Variants in MRPS18C observed in about 807,000 individuals in gnomAD.
MRPS18C encodes the protein mitochondrial ribosomal protein S18C.
Under a neutral mutation model 21.0 loss-of-function variants are expected in MRPS18C, and 21 were observed. The ratio of observed to expected loss-of-function variants is 1.00; its 90% CI spans 0.71 to 1.44. MRPS18C has a LOEUF of 1.44. Among genes scored for constraint, MRPS18C ranks in the 40% most tolerant of loss-of-function variants. The pLI is 0.00. For synonymous variants in MRPS18C, 65 were observed against 54.3 expected (o/e 1.20, Z -0.87); for missense variants, 152 against 171.5 (o/e 0.89, Z 0.64).
At chr4:83,460,430 CAGGT>C (rs1258400231) in intron 4 of MRPS18C, 1 of 151,406 alleles carries the variant, frequency 6.6e-6, no homozygotes, top group Admixed American at 6.6e-5. Context: ...GCTGGGATTA[CAGGT>C]GTGAGCCACT....
intron 2 of MRPS18C, chr4:83,457,490 T>TA (rs1721896982): frequency 6.6e-6 from 1 of 152,312 alleles, no homozygotes; most frequent in African/African-American, 2.4e-5. Context: ...GAAGAGTAGT[T>TA]ACGTGAGCTG....
chr4:83,458,389 G>C lies in MRPS18C; in HGVS notation c.194G>C (p.Cys65Ser). ...ENPYKEPLKK[C>S]ILCGKHVDYK... ...CCTTATAAAGAACCTCTTAAGAAAT[G>C]TATCTTGTGTGGAAAGCATGTAGAT... is the stretch of plus-strand genomic sequence containing the variant. Residue 65 changes from cysteine (C) to serine (S), a missense_variant, in exon 3 of 6, where the codon TGT becomes TCT. Coordinates refer to ENST00000295491, the MANE Select transcript of MRPS18C (RefSeq NM_016067.4). 6.2e-7 allele frequency: 1 copy of C among 1,605,702 alleles called. No individual in the cohort carries two copies.
chr4:83,458,437 C>G lies in MRPS18C; in HGVS notation c.234+8C>G. 1.9e-6 allele frequency: 3 copies of G among 1,558,774 alleles called. No individual in the cohort carries two copies. The East Asian group carries it at 6.8e-5, about 35-fold the overall frequency. ...GATTATAAGAATGTACAGGTGAGAT[C>G]TGGTTTTACTTCACTATATTTTAGG... On this transcript the variant is annotated splice_region_variant and intron_variant, in intron 3 of 5. Coordinates refer to ENST00000295491, the MANE Select transcript of MRPS18C (RefSeq NM_016067.4).
intron 4 of MRPS18C, chr4:83,460,276 G>T: frequency 6.6e-6 from 1 of 152,236 alleles, no homozygotes; most frequent in Non-Finnish European, 1.5e-5. Flanking sequence ...TCATGCTTCA[G>T]CCTCCCGAAT....
At chr4:83,458,189 T>G (rs1165775748) in intron 2 of MRPS18C, 157 bp from the exon 3 acceptor site, 2 of 554,664 alleles carry the variant, frequency 3.6e-6, no homozygotes, top group Admixed American at 4.0e-5. Context: ...CGTTAATCCG[T>G]AGGCTAAACT....
chr4:83,460,353 C>T (rs1722040822), intron 4 of MRPS18C: 1 of 152,008 alleles, frequency 6.6e-6, no homozygotes, highest in Non-Finnish European at 1.5e-5. Flanking sequence ...TTGGGTTTCT[C>T]CATGTTGGCC....
At chr4:83,461,076 T>C (rs776845603) in intron 5 of MRPS18C, 44 bp downstream of exon 5, 1 of 1,612,330 alleles carries the variant, frequency 6.2e-7, no homozygotes, top group South Asian at 1.1e-5. Flanking sequence ...TAGCTGAAAT[T>C]TTGCTCATTA....
chr4:83,460,246 C>T (rs570093500), intron 4 of MRPS18C: 2 of 152,530 alleles, frequency 1.3e-5, no homozygotes, highest in Non-Finnish European at 2.9e-5. Context: ...CAACCTCTGC[C>T]TCCTGGGTTC....
chr4:83,459,836 C>T (rs756939966), intron 4 of MRPS18C, 39 bp downstream of exon 4: 19 of 1,459,772 alleles, frequency 1.3e-5, no homozygotes, highest in African/African-American at 4.2e-5. Flanking sequence ...AATGTAGATA[C>T]GAATTATATC....
At chr4:83,459,550 C>G in intron 3 of MRPS18C, 190 bp from the exon 4 acceptor site, 1 of 545,232 alleles carries the variant, frequency 1.8e-6, no homozygotes, top group South Asian at 2.5e-5. Context: ...TATATATAGA[C>G]TTGACACACT....
chr4:83,457,044 C>G, intron 2 of MRPS18C, 86 bp downstream of exon 2: 1 of 1,127,030 alleles, frequency 8.9e-7, no homozygotes, highest in Non-Finnish European at 1.3e-6. Flanking sequence ...GTATTAGACT[C>G]TAACATCTTT....
intron 3 of MRPS18C, 181 bp downstream of exon 3, chr4:83,458,610 C>T (rs1251711852): frequency 4.3e-6 from 2 of 459,900 alleles, no homozygotes; most frequent in Non-Finnish European, 7.5e-6. Flanking sequence ...AGTAAAAGCA[C>T]CTTGGCTTTC....
chr4:83,456,610 C>T (rs767436945), intron 1 of MRPS18C, among the ~76,000 whole-genome samples: 1 of 152,096 alleles, frequency 6.6e-6, no homozygotes, highest in Non-Finnish European at 1.5e-5. Flanking sequence ...TCTGTTGCTT[C>T]TCCTATAAGA....
Position 83,462,286 on chromosome 4 carries a change from G to A in MRPS18C, c.*1089G>A. The A allele has an allele frequency of 1.7e-6, 1 of 575,742 alleles. No homozygotes were observed. The highest frequency in any genetic ancestry group is 3.0e-6 in the Non-Finnish European group (1 of 332,288). 35.7% of individuals were successfully genotyped at this position (575,742 alleles called of 1,614,324 possible). A position where few individuals can be genotyped will look rare whatever the true frequency, so the allele number is the denominator to read the frequency against. ...AAAAGGTTTGGAAATAAAAGCATCT[G>A]ATGTTTGAAAAAGTACTTTGTGAAG... On this transcript the variant is annotated 3_prime_UTR_variant, in exon 6 of 6. Transcript: ENST00000295491.
intron 1 of MRPS18C, 89 bp from the exon 2 acceptor site, chr4:83,456,820 T>G: frequency 7.8e-7 from 1 of 1,289,274 alleles, no homozygotes; most frequent in Non-Finnish European, 1.1e-6. Context: ...TCGTGTCCCT[T>G]AATTCATCCT....
intron 2 of MRPS18C, 49 bp from the exon 3 acceptor site, chr4:83,458,297 A>C: frequency 7.7e-7 from 1 of 1,296,442 alleles, no homozygotes; most frequent in Non-Finnish European, 1.1e-6. Flanking sequence ...ACCTTTTAAA[A>C]TTCAGAATTA....
intron 4 of MRPS18C, 82 bp from the exon 5 acceptor site, chr4:83,460,891 G>GGGA (rs1722073880): frequency 8.4e-7 from 1 of 1,191,560 alleles, no homozygotes; most frequent in East Asian, 2.4e-5. Context: ...GGGTGACACA[G>GGGA]GGAGACTCCA....
rs372329817 is a variant in MRPS18C at position 83,458,416 on chromosome 4, A to T, written c.221A>T (p.Tyr74Phe). 23 of 1,590,710 alleles carry T rather than the reference A, an allele frequency of 1.4e-5. No homozygotes were observed. Among genetic ancestry groups the T allele is most frequent in the Non-Finnish European group, 1.8e-5 (21 of 1,160,872 alleles). The change falls in exon 3 of 6, where the codon TAT (tyrosine) becomes TTT (phenylalanine). Residue 74 changes from tyrosine to phenylalanine, a missense_variant. Tyr to Phe is a conservative substitution (Grantham distance 22). Around this residue, in one of 2 missense-constraint regions of MRPS18C, gnomAD observed 118 missense variants for 104.4 expected, o/e 1.13. Transcript: ENST00000295491. ...ATCTTGTGTGGAAAGCATGTAGATT[A>T]TAAGAATGTACAGGTGAGATCTGGT... ...KCILCGKHVD[Y>F]KNVQLLSQFV...
chr4:83,458,414 T>C lies in MRPS18C; in HGVS notation c.219T>C (p.Asp73=). 1 of 1,593,900 alleles carries C rather than the reference T, an allele frequency of 6.3e-7. No individual in the cohort carries two copies. The highest frequency in any genetic ancestry group is 8.6e-7 in the Non-Finnish European group (1 of 1,163,714). The change falls in exon 3 of 6, where the codon GAT becomes GAC. Residue 73 remains aspartate, a synonymous_variant. Coordinates refer to ENST00000295491, the MANE Select transcript of MRPS18C (RefSeq NM_016067.4). ...GTATCTTGTGTGGAAAGCATGTAGA[T>C]TATAAGAATGTACAGGTGAGATCTG... The part of the protein sequence containing the change: ...KKCILCGKHV[D]YKNVQLLSQF...
Sources: gnomAD v4.1 joint callset for allele counts (sites outside exome capture counted in the v4.1 genomes callset) on GRCh38, gnomAD v4.1.1 for gene constraint, gnomAD v4.1.1 regional missense constraint, MANE v1.5 for transcripts, NCBI Gene and HGNC (gene_info 2026-07-23, HGNC 2026-07-21) for gene names.